PRKN: variants seen among roughly 807,000 people sequenced by gnomAD.
The protein encoded by PRKN is E3 ubiquitin-protein ligase parkin.
PRKN carries 56 observed loss-of-function variants against 59.5 expected under a neutral mutation model. The ratio of observed to expected loss-of-function variants is 0.94; its 90% CI spans 0.76 to 1.18. The LOEUF (loss-of-function observed/expected upper bound fraction) is 1.18. PRKN is among the 50% of genes most tolerant of loss of function. The pLI is 0.00. For missense variants in PRKN, 657 were observed against 596.4 expected, an observed-to-expected ratio of 1.10 and a Z score of -1.06; for synonymous variants, 250 against 222.1, an observed-to-expected ratio of 1.13 and a Z score of -1.12.
intron 7 of PRKN, among the ~76,000 whole-genome samples, chr6:161,674,538 C>A (rs1785021048): frequency 6.6e-6 from 1 of 152,060 alleles, no homozygotes; most frequent in South Asian, 2.1e-4. Context: ...CAATTGACAG[C>A]ATCTTAGAAC....
chr6:161,834,289 G>C (rs150582941), intron 6 of PRKN, among the ~76,000 whole-genome samples: 2 of 152,262 alleles, frequency 1.3e-5, no homozygotes, highest in Non-Finnish European at 2.9e-5. Context: ...CAGAAAGGCA[G>C]TGGGGAAAAG....
intron 6 of PRKN, among the ~76,000 whole-genome samples, chr6:161,824,146 C>G (rs1792146019): frequency 6.6e-6 from 1 of 152,196 alleles, no homozygotes. Flanking sequence ...TCCACACACC[C>G]ACCCAACGCC....
intron 9 of PRKN, among the ~76,000 whole-genome samples, chr6:161,422,321 C>T (rs1449938549): frequency 1.3e-5 from 2 of 151,590 alleles, no homozygotes. Flanking sequence ...GCTTCAGCCT[C>T]CCAAGCAGCT....
chr6:162,617,791 A>G (rs148940617), intron 1 of PRKN, among the ~76,000 whole-genome samples: 1 of 152,208 alleles, frequency 6.6e-6, no homozygotes, highest in African/African-American at 2.4e-5. Flanking sequence ...GATGAAATAT[A>G]AAACCATAGT....
chr6:161,970,820 G>T (rs1028834926), intron 6 of PRKN, among the ~76,000 whole-genome samples: 4 of 152,168 alleles, frequency 2.6e-5, no homozygotes, highest in Admixed American at 2.6e-4. Context: ...TTACAGGCGT[G>T]AGCCACCGTG....
At chr6:161,531,427 C>T (rs1472232876) in intron 9 of PRKN, among the ~76,000 whole-genome samples, 5 of 151,986 alleles carry the variant, frequency 3.3e-5, no homozygotes, top group Non-Finnish European at 7.4e-5. Context: ...CCCCTACCCT[C>T]GCCCAGCAAC....
At chr6:161,737,400 G>A (rs925098298) in intron 7 of PRKN, among the ~76,000 whole-genome samples, 13 of 152,228 alleles carry the variant, frequency 8.5e-5, no homozygotes, top group Admixed American at 7.2e-4. Flanking sequence ...CAGGGATGGA[G>A]AGGGGAGAAC....
intron 6 of PRKN, among the ~76,000 whole-genome samples, chr6:161,891,160 T>G (rs1795328513): frequency 6.6e-6 from 1 of 152,120 alleles, no homozygotes; most frequent in Admixed American, 6.5e-5. Flanking sequence ...TTGGCCGTGT[T>G]TAAAAGCACG....
chr6:162,400,546 A>C (rs1272491970), intron 2 of PRKN, among the ~76,000 whole-genome samples: 1 of 152,026 alleles, frequency 6.6e-6, no homozygotes, highest in Non-Finnish European at 1.5e-5. Flanking sequence ...AGCATGTTGA[A>C]TATTGTTCTC....
intron 1 of PRKN, among the ~76,000 whole-genome samples, chr6:162,710,484 C>T (rs899859320): frequency 6.6e-6 from 1 of 151,764 alleles, no homozygotes; most frequent in African/African-American, 2.4e-5. Flanking sequence ...CTTCCTGGCC[C>T]ATGGAAGAAA....
intron 5 of PRKN, among the ~76,000 whole-genome samples, chr6:162,006,780 C>T (rs964757572): frequency 2.0e-5 from 3 of 152,158 alleles, no homozygotes; most frequent in African/African-American, 7.2e-5. Context: ...TGCATGATGA[C>T]ATCCCATACT....
intron 3 of PRKN, among the ~76,000 whole-genome samples, chr6:162,247,880 A>T (rs1294177499): frequency 6.6e-6 from 1 of 152,230 alleles, no homozygotes; most frequent in Non-Finnish European, 1.5e-5. Context: ...GATTAAATCG[A>T]TAATTAAAGG....
At chr6:162,264,255 C>A (rs1413887492) in intron 2 of PRKN, among the ~76,000 whole-genome samples, 1 of 151,980 alleles carries the variant, frequency 6.6e-6, no homozygotes, top group Non-Finnish European at 1.5e-5. Flanking sequence ...CCAGCCTGGG[C>A]AACAGAGAGA....
chr6:161,733,787 T>TATATATATATATATATATATATAC (rs1562641719), intron 7 of PRKN, among the ~76,000 whole-genome samples: 2 of 80,398 alleles, frequency 2.5e-5, no homozygotes, highest in African/African-American at 1.4e-4. Flanking sequence ...AAAAAAAATA[T>TATATATATATATATATATATATAC]ATATATATAT....
At chr6:161,523,502 A>G (rs1778912226) in intron 9 of PRKN, among the ~76,000 whole-genome samples, 1 of 152,254 alleles carries the variant, frequency 6.6e-6, no homozygotes, top group Admixed American at 6.5e-5. Context: ...ATTCATATCA[A>G]TTGCAATGCT....
intron 1 of PRKN, among the ~76,000 whole-genome samples, chr6:162,560,499 T>C (rs1292141646): frequency 6.6e-6 from 1 of 152,170 alleles, no homozygotes. Context: ...ATCAATGTCT[T>C]ATATTTTACA....
chr6:161,589,356 A>G (rs1175022003), intron 7 of PRKN, among the ~76,000 whole-genome samples: 1 of 152,240 alleles, frequency 6.6e-6, no homozygotes, highest in Non-Finnish European at 1.5e-5. Flanking sequence ...CTAAGGATTT[A>G]GTCGGTGAAA....
At chr6:161,719,368 T>A (rs1174438126) in intron 7 of PRKN, among the ~76,000 whole-genome samples, 2 of 151,882 alleles carry the variant, frequency 1.3e-5, no homozygotes, top group Non-Finnish European at 2.9e-5. Flanking sequence ...TAGTGTAGGG[T>A]GGGCAAATGT....
rs1431779939 is a variant in PRKN at position 161,356,773 on chromosome 6, T to C, written c.1285+3315A>G. The stretch of plus-strand genomic sequence containing the variant: ...TTCTAGGAGCAGCTAGCACTCTGCT[T>C]TGTGAAATTTGAGCTGTCCATTGAA... On this transcript the variant is annotated intron_variant, in intron 11 of 11. Transcript: ENST00000366898. This position sits in a 1 kb window ranked among gnomAD's most constrained non-coding sequence, Gnocchi z 7.8. Among the ~76,000 whole-genome samples the C allele has an allele frequency of 6.6e-6, 1 of 152,094 alleles. No homozygotes were observed. Among genetic ancestry groups the C allele is most frequent in the African/African-American group, 2.4e-5 (1 of 41,400 alleles).
Sources: gnomAD v4.1 joint callset for allele counts (sites outside exome capture counted in the v4.1 genomes callset) on GRCh38, gnomAD v4.1.1 for gene constraint, Gnocchi (gnomAD v3.1) non-coding constraint, MANE v1.5 for transcripts, NCBI Gene and HGNC (gene_info 2026-07-23, HGNC 2026-07-21) for gene names.